ADD2: variants seen among roughly 807,000 people sequenced by gnomAD.
The protein encoded by ADD2 is adducin 2.
Under a neutral mutation model 83.0 loss-of-function variants are expected in ADD2, and 23 were observed. The ratio of observed to expected loss-of-function variants is 0.28; its 90% CI spans 0.20 to 0.39. ADD2 has a LOEUF of 0.39. Ranked by LOEUF, ADD2 falls within the 10% of genes least tolerant of loss-of-function variation. The pLI is 1.00. For synonymous variants in ADD2, 375 were observed against 375.4 expected, an observed-to-expected ratio of 1.00 and a Z score of 0.01; for missense variants, 758 against 944.9, an observed-to-expected ratio of 0.80 and a Z score of 2.59.
At chr2:70,761,828 C>T (rs1276740963) in intron 1 of ADD2, among the ~76,000 whole-genome samples, 2 of 150,908 alleles carry the variant, frequency 1.3e-5, no homozygotes, top group Admixed American at 6.6e-5. Context: ...CCCGCCACCA[C>T]GCCTGGCTAA....
At chr2:70,733,930 G>C (rs1233828858) in intron 1 of ADD2, among the ~76,000 whole-genome samples, 3 of 152,142 alleles carry the variant, frequency 2.0e-5, no homozygotes, top group African/African-American at 2.4e-5. Context: ...ACCCCTAGCA[G>C]CAGATGAGCA....
chr2:70,693,760 T>C (rs1407796045), intron 6 of ADD2, among the ~76,000 whole-genome samples: 2 of 152,144 alleles, frequency 1.3e-5, no homozygotes, highest in East Asian at 3.8e-4. Context: ...TGTGGCCTGT[T>C]TAGAATTCCC....
intron 15 of ADD2, among the ~76,000 whole-genome samples, chr2:70,670,990 G>T (rs556550101): frequency 7.9e-5 from 12 of 152,310 alleles, no homozygotes; most frequent in African/African-American, 1.9e-4. Flanking sequence ...CAGGCAGTGG[G>T]TAAACAGCTA....
Position 70,706,377 on chromosome 2 carries a change from G to A in ADD2, c.32C>T (p.Ser11Leu), listed in dbSNP as rs782561726. The A allele has an allele frequency of 4.3e-5, 70 of 1,611,214 alleles. No individual in the cohort carries two copies. The highest frequency in any genetic ancestry group is 5.3e-5 in the Non-Finnish European group (63 of 1,178,760). MSEETVPEAA[S>L]PPPPQGQPYF... ...AGGCTGCCCCTGCGGGGGCGGCGGC[G>A]AGGCAGCCTCGGGGACCGTCTCTTC... The change falls in exon 3 of 16, where the codon TCG becomes TTG. Residue 11 changes from serine (S) to leucine (L), a missense_variant. Around this residue, in one of 5 missense-constraint regions of ADD2, gnomAD observed 175 missense variants for 192.1 expected, o/e 0.91. Coordinates refer to ENST00000264436, the MANE Select transcript of ADD2 (RefSeq NM_001617.4). This position sits in a 1 kb window ranked among gnomAD's most constrained non-coding sequence, Gnocchi z 5.0.
intron 15 of ADD2, among the ~76,000 whole-genome samples, chr2:70,665,428 T>G (rs782558490): frequency 6.6e-6 from 1 of 152,162 alleles, no homozygotes; most frequent in Non-Finnish European, 1.5e-5. Flanking sequence ...CCATGTCCTG[T>G]CATCCTCATC....
At chr2:70,750,031 T>C (rs1553382675) in intron 1 of ADD2, among the ~76,000 whole-genome samples, 1 of 152,204 alleles carries the variant, frequency 6.6e-6, no homozygotes, top group Admixed American at 6.5e-5. Context: ...ACACAGGTCC[T>C]TGTTACAGGA....
At chr2:70,678,214 T>A (rs556550387) in intron 11 of ADD2, among the ~76,000 whole-genome samples, 1 of 152,346 alleles carries the variant, frequency 6.6e-6, no homozygotes, top group South Asian at 2.1e-4. Context: ...GAGCTTCATA[T>A]TGTTTTATGA....
rs1553372466 is a variant in ADD2 at position 70,695,708 on chromosome 2, G to A, written c.555+13C>T. The stretch of plus-strand genomic sequence containing the variant: ...TCAATAAGGAGTGGGCAGTGATGCT[G>A]GACTGTACTCACCAGGCTGGACGCT... On this transcript the variant is annotated intron_variant, in intron 6 of 15. Transcript: ENST00000264436. The A allele has an allele frequency of 1.9e-6, 3 of 1,612,270 alleles. 1 individual carries two copies. The South Asian group carries it at 3.3e-5, about 18-fold the overall frequency.
intron 1 of ADD2, among the ~76,000 whole-genome samples, chr2:70,730,482 C>G (rs1673226922): frequency 6.6e-6 from 1 of 152,210 alleles, no homozygotes; most frequent in African/African-American, 2.4e-5. Flanking sequence ...GACAAAATAG[C>G]CACAGTCTAT....
chr2:70,723,322 G>A (rs1404950689), intron 1 of ADD2, among the ~76,000 whole-genome samples: 2 of 152,026 alleles, frequency 1.3e-5, no homozygotes, highest in Non-Finnish European at 2.9e-5. Flanking sequence ...CAAATAGTAA[G>A]GACTCCACAA....
intron 9 of ADD2, among the ~76,000 whole-genome samples, chr2:70,686,508 G>C (rs1415843455): frequency 1.3e-5 from 2 of 152,168 alleles, no homozygotes; most frequent in African/African-American, 4.8e-5. Flanking sequence ...CATGTGGGGT[G>C]GTGCGACACA....
At chr2:70,683,268 C>G (rs1670549399) in intron 10 of ADD2, among the ~76,000 whole-genome samples, 1 of 152,076 alleles carries the variant, frequency 6.6e-6, no homozygotes, top group Non-Finnish European at 1.5e-5. Context: ...ACCTTGTGAT[C>G]TGCCTGCCTC....
At chr2:70,731,512 C>G (rs1673281007) in intron 1 of ADD2, among the ~76,000 whole-genome samples, 1 of 152,180 alleles carries the variant, frequency 6.6e-6, no homozygotes, top group Non-Finnish European at 1.5e-5. Context: ...AAGTTTTAAG[C>G]AGACAAAGCC....
intron 4 of ADD2, among the ~76,000 whole-genome samples, chr2:70,701,602 A>G (rs1422708902): frequency 6.6e-6 from 1 of 152,196 alleles, no homozygotes; most frequent in Non-Finnish European, 1.5e-5. Context: ...TGATTTTTGT[A>G]TATACAATAC....
chr2:70,714,151 T>C (rs1672343373), intron 1 of ADD2, among the ~76,000 whole-genome samples: 1 of 152,160 alleles, frequency 6.6e-6, no homozygotes, highest in South Asian at 2.1e-4. Context: ...AAAGCATTAA[T>C]TGTCAAAATG....
At chr2:70,663,845 A>G (rs1262370392) in intron 15 of ADD2, 110 bp from the exon 16 acceptor site, 13 of 1,199,240 alleles carry the variant, frequency 1.1e-5, no homozygotes, top group Non-Finnish European at 1.5e-5. Context: ...ATCCAGAGCG[A>G]GGGGAGGGCC....
intron 13 of ADD2, chr2:70,675,814 G>C (rs569338921): frequency 1.0e-6 from 1 of 985,380 alleles, no homozygotes; most frequent in Non-Finnish European, 1.2e-6. Flanking sequence ...GAGGGACTCC[G>C]AGAAGAGCAC....
rs782643559 is a variant in ADD2, at chr2:70,672,963, C to G, written c.1785G>C (p.Lys595Asn). The change falls in exon 15 of 16, where the codon AAG (lysine) becomes AAC (asparagine). Residue 595 changes from lysine (K) to asparagine (N), a missense_variant. Physicochemically the swap from Lys to Asn is moderately conservative, Grantham distance 94 (BLOSUM62 0). Around this residue, in one of 5 missense-constraint regions of ADD2, gnomAD observed 165 missense variants for 176.2 expected, o/e 0.94. Transcript: ENST00000264436. Reference sequence around the variant, plus strand: ...TCTGCACTGGAGAAGCAGGTGCAGACTTTGCAGGTGAGCCAGGCTCTTCTG... The same window carrying G: ...TCTGCACTGGAGAAGCAGGTGCAGAGTTTGCAGGTGAGCCAGGCTCTTCTG... Reference protein sequence around the residue: ...TAPEEPGSPAKSAPASPVQSP... With the variant: ...TAPEEPGSPANSAPASPVQSP... The G allele has an allele frequency of 1.2e-5, 19 of 1,613,956 alleles. No homozygotes were observed. Among genetic ancestry groups the G allele is most frequent in the Non-Finnish European group, 1.5e-5 (18 of 1,179,992 alleles).
At chr2:70,681,140 T>G (rs546625080) in intron 10 of ADD2, among the ~76,000 whole-genome samples, 1 of 152,326 alleles carries the variant, frequency 6.6e-6, no homozygotes, top group East Asian at 1.9e-4. Flanking sequence ...ATTACTCCTG[T>G]AAATAATATC....
Sources: gnomAD v4.1 joint callset for allele counts (sites outside exome capture counted in the v4.1 genomes callset) on GRCh38, gnomAD v4.1.1 for gene constraint, gnomAD v4.1.1 regional missense constraint, Gnocchi (gnomAD v3.1) non-coding constraint, MANE v1.5 for transcripts, NCBI Gene and HGNC (gene_info 2026-07-23, HGNC 2026-07-21) for gene names.